Variants in ABHD17A observed in about 807,000 individuals in gnomAD.
ABHD17A encodes the protein abhydrolase domain containing 17A, depalmitoylase.
ABHD17A carries 10 observed loss-of-function variants against 26.8 expected under a neutral mutation model. The observed-to-expected ratio is 0.37, with a 90% CI of 0.23 to 0.63. The LOEUF is 0.63. ABHD17A is among the 30% of genes least tolerant of loss of function. The pLI is 0.61. For synonymous variants in ABHD17A, 167 were observed against 210.9 expected (o/e 0.79, Z 1.80); for missense variants, 292 against 457.3 (o/e 0.64, Z 3.30).
In ABHD17A at chr19:1,880,824, C is replaced by T; in HGVS notation, c.332+411G>A. The T allele has an allele frequency of 1.9e-6, 3 of 1,586,290 alleles. No individual in the cohort carries two copies. In the South Asian group the frequency reaches 3.4e-5, roughly 18 times the overall value. ...GCCATGGACTGCTTCCTCCAGTTCC[C>T]CCAGGCCCCCACCTAGCCCAGCCAG... On this transcript the variant is annotated intron_variant, in intron 2 of 4. Coordinates refer to ENST00000292577, the MANE Select transcript of ABHD17A (RefSeq NM_001130111.2). This position sits in a 1 kb window ranked among gnomAD's most constrained non-coding sequence, Gnocchi z 4.1.
chr19:1,879,533 C>A lies in ABHD17A; in HGVS notation c.527+388G>T. 1 of 302,080 alleles carries A rather than the reference C, an allele frequency of 3.3e-6. No individual in the cohort carries two copies. Among genetic ancestry groups the A allele is most frequent in the Non-Finnish European group, 6.4e-6 (1 of 156,276 alleles). 18.7% of individuals were successfully genotyped at this position (302,080 alleles called of 1,614,324 possible). A position where few individuals can be genotyped will look rare whatever the true frequency, so the allele number is the denominator to read the frequency against. On this transcript the variant is annotated intron_variant, in intron 3 of 4. Transcript: ENST00000292577. The surrounding 1 kb of genome is among the most constrained non-coding windows in gnomAD (Gnocchi z 7.6). Reference sequence around the variant, plus strand: ...TCCGGACCTGGATGCAGCAGCCTCGCCTCACTTGGCCCCAAGTGCTGCCTC... The same window carrying A: ...TCCGGACCTGGATGCAGCAGCCTCGACTCACTTGGCCCCAAGTGCTGCCTC...
At position 1,881,641 on chromosome 19, in the gene ABHD17A, G is replaced by A. The variant is rs1568744208; in HGVS notation, c.-75C>T. On this transcript the variant is annotated 5_prime_UTR_variant, in exon 2 of 5. Coordinates refer to ENST00000292577, the MANE Select transcript of ABHD17A (RefSeq NM_001130111.2). ...CCGCCCGGCCTGGCCCGGCAGGGGA[G>A]GGGTGGGGGTGCTCCGAGTCGCGGG... is the stretch of plus-strand genomic sequence containing the variant. The A allele has an allele frequency of 2.1e-6, 3 of 1,416,830 alleles. No individual in the cohort carries two copies. The highest frequency in any genetic ancestry group is 1.5e-5 in the South Asian group (1 of 65,856). The allele number at this position is 1,416,830 out of a possible 1,614,324, so 87.8% of individuals were successfully genotyped here. A position where few individuals can be genotyped will look rare whatever the true frequency, so the allele number is the denominator to read the frequency against.
chr19:1,880,827 A>T lies in ABHD17A; in HGVS notation c.332+408T>A. 6.3e-7 allele frequency: 1 copy of T among 1,588,406 alleles called. No homozygotes were observed. Among genetic ancestry groups the T allele is most frequent in the Non-Finnish European group, 8.6e-7 (1 of 1,164,384 alleles). On this transcript the variant is annotated intron_variant, in intron 2 of 4. Transcript: ENST00000292577. The surrounding 1 kb of genome is among the most constrained non-coding windows in gnomAD (Gnocchi z 4.1). ...ATGGACTGCTTCCTCCAGTTCCCCC[A>T]GGCCCCCACCTAGCCCAGCCAGAAG...
chr19:1,876,952 C>T lies in ABHD17A; in HGVS notation c.*248G>A. The T allele has an allele frequency of 1.9e-6, 1 of 533,168 alleles. No individual in the cohort carries two copies. The highest frequency in any genetic ancestry group is 3.3e-5 in the East Asian group (1 of 29,876). The allele number at this position is 533,168 out of a possible 1,614,324, so 33.0% of individuals were successfully genotyped here. On this transcript the variant is annotated 3_prime_UTR_variant, in exon 5 of 5. Transcript: ENST00000292577. ...TGAGCGCTCGAGAGAGTGAGCAGAG[C>T]CATGAAAGGAAGGAGAGCAGCCCTA...
At chr19:1,881,173 A>C in intron 2 of ABHD17A, 62 bp downstream of exon 2, 1 of 1,598,698 alleles carries the variant, frequency 6.3e-7, no homozygotes, top group Non-Finnish European at 8.5e-7. Flanking sequence ...CAAGCACCGC[A>C]GGCAGAAACG....
rs906436062 is a variant in ABHD17A, at chr19:1,880,440, A to G, written c.333-325T>C. On this transcript the variant is annotated intron_variant, in intron 2 of 4. Coordinates refer to ENST00000292577, the MANE Select transcript of ABHD17A (RefSeq NM_001130111.2). This position sits in a 1 kb window ranked among gnomAD's most constrained non-coding sequence, Gnocchi z 4.1. ...CATCGGTCGCATCCTCTCTCAGGGC[A>G]GACTCGCAGTGTGTGCTCAGATACT... Among the ~76,000 whole-genome samples, 29 of 152,200 alleles carry G rather than the reference A, an allele frequency of 1.9e-4. No homozygotes were observed. Among genetic ancestry groups the G allele is most frequent in the African/African-American group, 7.0e-4 (29 of 41,448 alleles).
In ABHD17A at chr19:1,885,396, TC is replaced by T. The variant is rs897688617; in HGVS notation, c.-284del. 12 of 151,200 alleles carry T rather than the reference TC, an allele frequency of 7.9e-5. No homozygotes were observed. The highest frequency in any genetic ancestry group is 2.7e-4 in the African/African-American group (11 of 41,044). The allele number at this position is 151,200 out of a possible 1,614,324, so 9.4% of individuals were successfully genotyped here. On this transcript the variant is annotated 5_prime_UTR_variant, in exon 1 of 5. Coordinates refer to ENST00000292577, the MANE Select transcript of ABHD17A (RefSeq NM_001130111.2). ...GGGCCCCAGGGCCGCGCTCCATGGC[TC>T]CCGGCCGCCCGCCCGTGCGTCCGTC...
rs775149994 is a variant in ABHD17A at position 1,881,597 on chromosome 19, G to A, written c.-31C>T. 4.6e-5 allele frequency: 70 copies of A among 1,518,762 alleles called. No individual in the cohort carries two copies. The highest frequency in any genetic ancestry group is 4.7e-4 in the Middle Eastern group (2 of 4,226). The allele number at this position is 1,518,762 out of a possible 1,614,324, so 94.1% of individuals were successfully genotyped here. On this transcript the variant is annotated 5_prime_UTR_variant, in exon 2 of 5. Coordinates refer to ENST00000292577, the MANE Select transcript of ABHD17A (RefSeq NM_001130111.2). ...GCGCCGCCCAGGCCGGGCCTCCACCGGGGCCCCCGCCAACAACGCCGCCCG... is the reference window on the plus strand; with the variant it reads ...GCGCCGCCCAGGCCGGGCCTCCACCAGGGCCCCCGCCAACAACGCCGCCCG...
At position 1,885,439 on chromosome 19, in the gene ABHD17A, T is replaced by G. The variant is rs901416287; in HGVS notation, c.-326A>C. The G allele has an allele frequency of 3.3e-5, 5 of 149,932 alleles. No individual in the cohort carries two copies. Among genetic ancestry groups the G allele is most frequent in the Admixed American group, 2.0e-4 (3 of 14,976 alleles). The allele number at this position is 149,932 out of a possible 1,614,324, so 9.3% of individuals were successfully genotyped here. A position where few individuals can be genotyped will look rare whatever the true frequency, so the allele number is the denominator to read the frequency against. The stretch of plus-strand genomic sequence containing the variant: ...GCGTCCGTCGGTCCCTCCGCACCCC[T>G]GCCCGGCCTCCTGCACCGCCACCGC... On this transcript the variant is annotated 5_prime_UTR_variant, in exon 1 of 5. Transcript: ENST00000292577.
Position 1,881,631 on chromosome 19 carries a change from C to T in ABHD17A, c.-65G>A, listed in dbSNP as rs2012538225. 1.1e-5 allele frequency: 16 copies of T among 1,425,454 alleles called. No individual in the cohort carries two copies. The highest frequency in any genetic ancestry group is 6.4e-6 in the Non-Finnish European group (7 of 1,098,256). 88.3% of individuals were successfully genotyped at this position (1,425,454 alleles called of 1,614,324 possible). Reference sequence around the variant, plus strand: ...GCCAACAACGCCGCCCGGCCTGGCCCGGCAGGGGAGGGGTGGGGGTGCTCC... The same window carrying T: ...GCCAACAACGCCGCCCGGCCTGGCCTGGCAGGGGAGGGGTGGGGGTGCTCC... On this transcript the variant is annotated 5_prime_UTR_variant, in exon 2 of 5. Transcript: ENST00000292577.
In ABHD17A at chr19:1,877,208, G is replaced by C. The variant is rs2012383414; in HGVS notation, c.925C>G (p.Arg309Gly). 6.9e-7 allele frequency: 1 copy of C among 1,455,550 alleles called. No individual in the cohort carries two copies. Among genetic ancestry groups the C allele is most frequent in the African/African-American group, 1.4e-5 (1 of 71,714 alleles). 90.2% of individuals were successfully genotyped at this position (1,455,550 alleles called of 1,614,324 possible). A position where few individuals can be genotyped will look rare whatever the true frequency, so the allele number is the denominator to read the frequency against. Residue 309 changes from arginine to glycine, a missense_variant, in exon 5 of 5, where the codon CGC becomes GGC. Transcript: ENST00000292577. Reference protein sequence around the residue: ...RFISQELPSQRA With the variant: ...RFISQELPSQGA ...GCCGGTTGGGGCCGCCGCTAGGCGC[G>C]CTGGCTGGGCAGCTCCTGGGAGATG...
rs750982677 is a variant in ABHD17A, at chr19:1,880,041, G to A, written c.407C>T (p.Ser136Phe). ...QMSSFYIGLG[S>F]RLHCNIFSYD... is the part of the protein sequence containing the mutation. The stretch of plus-strand genomic sequence containing the variant: ...GGAGAAGATGTTGCAGTGGAGGCGG[G>A]AGCCCAGGCCAATGTAGAAGCTGCT... The change falls in exon 3 of 5, where the codon TCC (serine) becomes TTC (phenylalanine). Residue 136 changes from serine (S) to phenylalanine (F), a missense_variant. This residue lies in a region of ABHD17A where 171 missense variants were observed against 216.1 expected (regional missense o/e 0.79). Coordinates refer to ENST00000292577, the MANE Select transcript of ABHD17A (RefSeq NM_001130111.2). The surrounding 1 kb of genome is among the most constrained non-coding windows in gnomAD (Gnocchi z 4.1). 3.0e-5 allele frequency: 48 copies of A among 1,613,100 alleles called. No individual in the cohort carries two copies. Among genetic ancestry groups the A allele is most frequent in the Non-Finnish European group, 3.9e-5 (46 of 1,180,008 alleles).
At chr19:1,881,143 G>A (rs981366727) in intron 2 of ABHD17A, 92 bp downstream of exon 2, 46 of 1,564,632 alleles carry the variant, frequency 2.9e-5, no homozygotes, top group South Asian at 1.2e-4. Context: ...TCGGGCCCTC[G>A]GGGGCACCAC....
chr19:1,877,447 G>A (rs746143391), intron 4 of ABHD17A, 22 bp from the exon 5 acceptor site: 3 of 1,565,784 alleles, frequency 1.9e-6, no homozygotes, highest in Admixed American at 1.9e-5. Context: ...TCGTGGAGCC[G>A]GTGAGACTTC....
intron 3 of ABHD17A, chr19:1,878,029 T>A (rs1210650818): frequency 6.0e-6 from 2 of 334,034 alleles, no homozygotes; most frequent in Admixed American, 9.3e-5. Context: ...AGGTGCACAC[T>A]GGGAACTGTG....
intron 1 of ABHD17A, among the ~76,000 whole-genome samples, chr19:1,884,282 C>T (rs1221959614): frequency 6.6e-6 from 1 of 152,148 alleles, no homozygotes; most frequent in Admixed American, 6.5e-5. Flanking sequence ...AAAGAATCCC[C>T]AAGGTCCGCC....
Position 1,877,144 on chromosome 19 carries a change from C to G in ABHD17A, c.*56G>C. 6.9e-7 allele frequency: 1 copy of G among 1,458,392 alleles called. No individual in the cohort carries two copies. Among genetic ancestry groups the G allele is most frequent in the South Asian group, 1.2e-5 (1 of 80,738 alleles). 90.3% of individuals were successfully genotyped at this position (1,458,392 alleles called of 1,614,324 possible). ...TGCAGCCCCTGGGTGGGGGCCGGCG[C>G]GGGGTGAGGTCCGGGGGCCGCCTTA... On this transcript the variant is annotated 3_prime_UTR_variant, in exon 5 of 5. Transcript: ENST00000292577.
chr19:1,881,853 A>G (rs187860607), intron 1 of ABHD17A, 49 bp from the exon 2 acceptor site: 12 of 373,302 alleles, frequency 3.2e-5, no homozygotes, highest in Admixed American at 2.0e-4. Context: ...GCCACAGTCC[A>G]GCTGGGCACC....
rs1023267568 is a variant in ABHD17A, at chr19:1,880,432, C to CGA, written c.333-318_333-317insTC. ...ACTGGGACCATCGGTCGCATCCTCT[C>CGA]TCAGGGCAGACTCGCAGTGTGTGCT... On this transcript the variant is annotated intron_variant, in intron 2 of 4. Transcript: ENST00000292577. The surrounding 1 kb of genome is among the most constrained non-coding windows in gnomAD (Gnocchi z 4.1). Among the ~76,000 whole-genome samples the CGA allele has an allele frequency of 2.0e-5, 3 of 152,226 alleles. No individual in the cohort carries two copies. The highest frequency in any genetic ancestry group is 7.2e-5 in the African/African-American group (3 of 41,462).
Sources: allele counts gnomAD v4.1 joint callset (sites outside exome capture counted in the v4.1 genomes callset), GRCh38; gene constraint gnomAD v4.1.1; regional missense constraint gnomAD v4.1.1; non-coding constraint Gnocchi (gnomAD v3.1); transcripts MANE v1.5; gene names NCBI Gene and HGNC (gene_info 2026-07-23, HGNC 2026-07-21).